SOBP: variants seen among roughly 807,000 people sequenced by gnomAD.
The protein encoded by SOBP is sine oculis-binding protein homolog.
In SOBP, 4 loss-of-function variants were observed where a neutral mutation model predicts 53.6. The observed-to-expected ratio is 0.07, with a 90% confidence interval of 0.04 to 0.17. The LOEUF (loss-of-function observed/expected upper bound fraction) is 0.17, where lower values mean the gene tolerates loss of function less well. Ranked by LOEUF, SOBP falls within the 10% of genes least tolerant of loss-of-function variation. The pLI is 1.00. For missense variants in SOBP, 1,088 were observed against 1,204.7 expected (o/e 0.90, Z 1.43); for synonymous variants, 584 against 522.6 (o/e 1.12, Z -1.60).
At position 107,635,172 on chromosome 6, in the gene SOBP, T is replaced by C; in HGVS notation, c.2328T>C (p.Cys776=). Residue 776 remains cysteine (C), a synonymous_variant, in exon 6 of 7, where the codon TGT becomes TGC. Coordinates refer to ENST00000317357, the MANE Select transcript of SOBP (RefSeq NM_018013.4). The surrounding 1 kb of genome is among the most constrained non-coding windows in gnomAD (Gnocchi z 4.5). ...SELESVKENN[C]ASNCHLDGEA... The stretch of plus-strand genomic sequence containing the variant: ...TAGAGTCGGTCAAGGAGAATAACTG[T>C]GCTTCCAACTGCCACCTGGACGGGG... 3 of 1,613,590 alleles carry C rather than the reference T, an allele frequency of 1.9e-6. No individual in the cohort carries two copies. Among genetic ancestry groups the C allele is most frequent in the Non-Finnish European group, 2.5e-6 (3 of 1,179,884 alleles).
intron 6 of SOBP, among the ~76,000 whole-genome samples, chr6:107,636,503 G>A (rs986966379): frequency 1.3e-5 from 2 of 152,224 alleles, no homozygotes; most frequent in South Asian, 2.1e-4. Context: ...GAGCTGGTAC[G>A]TGGGGAAGCC....
At chr6:107,506,680 T>A (rs993674449) in intron 3 of SOBP, among the ~76,000 whole-genome samples, 2 of 152,154 alleles carry the variant, frequency 1.3e-5, no homozygotes, top group Non-Finnish European at 2.9e-5. Context: ...CAAAACAAAG[T>A]TATTTTCCTT....
chr6:107,632,334 A>G (rs1770751959), intron 5 of SOBP, among the ~76,000 whole-genome samples: 1 of 150,488 alleles, frequency 6.6e-6, no homozygotes, highest in Non-Finnish European at 1.5e-5. Flanking sequence ...CCCCCCCCAA[A>G]AAAAAGGAAA....
chr6:107,617,976 C>T (rs763239369), intron 5 of SOBP, among the ~76,000 whole-genome samples: 1 of 151,824 alleles, frequency 6.6e-6, no homozygotes, highest in Admixed American at 6.6e-5. Flanking sequence ...TACAGGCACC[C>T]GCCACCAAGC....
intron 1 of SOBP, among the ~76,000 whole-genome samples, chr6:107,503,123 G>T (rs1782887026): frequency 6.6e-6 from 1 of 152,178 alleles, no homozygotes; most frequent in Non-Finnish European, 1.5e-5. Flanking sequence ...GTAACCTATT[G>T]TAACCTAGCT....
At chr6:107,617,203 A>G (rs1364795339) in intron 5 of SOBP, among the ~76,000 whole-genome samples, 1 of 152,182 alleles carries the variant, frequency 6.6e-6, no homozygotes, top group Non-Finnish European at 1.5e-5. Context: ...GTGTGGGGTT[A>G]TCTCCAAGGA....
intron 4 of SOBP, among the ~76,000 whole-genome samples, chr6:107,543,407 C>T (rs750193857): frequency 6.6e-6 from 1 of 152,200 alleles, no homozygotes; most frequent in African/African-American, 2.4e-5. Flanking sequence ...GAAATTCATA[C>T]TCATTGTCTA....
intron 5 of SOBP, among the ~76,000 whole-genome samples, chr6:107,631,096 AT>A (rs1463611404): frequency 6.6e-6 from 1 of 152,194 alleles, no homozygotes; most frequent in Admixed American, 6.5e-5. Context: ...TTTTTACTCC[AT>A]TTGAAAATAT....
At chr6:107,652,501 A>G (rs956769071) in intron 6 of SOBP, among the ~76,000 whole-genome samples, 1 of 152,262 alleles carries the variant, frequency 6.6e-6, no homozygotes, top group Non-Finnish European at 1.5e-5. Flanking sequence ...TTCTAGAGAT[A>G]GAATCTGCTC....
intron 5 of SOBP, among the ~76,000 whole-genome samples, chr6:107,624,834 G>A (rs1028914811): frequency 6.6e-5 from 10 of 152,184 alleles, no homozygotes; most frequent in Non-Finnish European, 1.2e-4. Flanking sequence ...TTTCACCTGC[G>A]AAGTTCCTTA....
chr6:107,615,054 G>A (rs773335331), intron 5 of SOBP, among the ~76,000 whole-genome samples: 1 of 152,168 alleles, frequency 6.6e-6, no homozygotes, highest in Non-Finnish European at 1.5e-5. Flanking sequence ...TCAAAATGGA[G>A]CCACTCCCTG....
intron 6 of SOBP, among the ~76,000 whole-genome samples, chr6:107,640,681 T>C (rs1043503603): frequency 3.9e-5 from 6 of 152,186 alleles, no homozygotes; most frequent in East Asian, 1.9e-4. Flanking sequence ...GGAGGGAAGG[T>C]TTTAATGTAC....
Position 107,591,968 on chromosome 6 carries a change from G to GTTTT in SOBP, c.669+4814_669+4817dup, listed in dbSNP as rs56210027. 3.3e-3 allele frequency among the ~76,000 whole-genome samples: 288 copies of GTTTT among 88,608 alleles called. 3 individuals carry two copies. The highest frequency in any genetic ancestry group is 5.6e-3 in the African/African-American group (129 of 22,972). 58.1% of individuals were successfully genotyped at this position (88,608 alleles called of 152,430 possible). ...TGAGGGACAGATTTGGTCTTTTGGT[G>GTTTT]TTTTTTTTTTTTTTTTTTTTTTTTG... On this transcript the variant is annotated intron_variant, in intron 5 of 6. Coordinates refer to ENST00000317357, the MANE Select transcript of SOBP (RefSeq NM_018013.4).
intron 5 of SOBP, among the ~76,000 whole-genome samples, chr6:107,627,654 A>G (rs1770520739): frequency 6.6e-6 from 1 of 152,238 alleles, no homozygotes. Context: ...CAAACAAACA[A>G]AAAAACCCAA....
chr6:107,610,986 G>A (rs1466702150), intron 5 of SOBP, among the ~76,000 whole-genome samples: 1 of 152,260 alleles, frequency 6.6e-6, no homozygotes, highest in Non-Finnish European at 1.5e-5. Flanking sequence ...TGGCAGGCTG[G>A]AGAGAGCAGG....
chr6:107,629,970 A>G (rs1448844542), intron 5 of SOBP, among the ~76,000 whole-genome samples: 1 of 152,208 alleles, frequency 6.6e-6, no homozygotes, highest in African/African-American at 2.4e-5. Flanking sequence ...TATTTGTGAT[A>G]GGAAGCATTT....
chr6:107,519,333 A>T (rs2114968292), intron 3 of SOBP, among the ~76,000 whole-genome samples: 1 of 151,208 alleles, frequency 6.6e-6, no homozygotes, highest in African/African-American at 2.4e-5. Context: ...CAAACCAATT[A>T]TCCAGCTGAA....
chr6:107,508,254 C>T (rs187972815), intron 3 of SOBP, among the ~76,000 whole-genome samples: 3 of 152,180 alleles, frequency 2.0e-5, no homozygotes, highest in Admixed American at 1.3e-4. Context: ...TCATGGTTCC[C>T]GCTACATTCT....
intron 5 of SOBP, among the ~76,000 whole-genome samples, chr6:107,601,966 T>C (rs1354272782): frequency 6.6e-6 from 1 of 152,248 alleles, no homozygotes; most frequent in Non-Finnish European, 1.5e-5. Flanking sequence ...CAGTGGTGTG[T>C]AATTGCACAT....
Sources: allele counts gnomAD v4.1 joint callset (sites outside exome capture counted in the v4.1 genomes callset), GRCh38; gene constraint gnomAD v4.1.1; non-coding constraint Gnocchi (gnomAD v3.1); transcripts MANE v1.5; gene names NCBI Gene and HGNC (gene_info 2026-07-23, HGNC 2026-07-21).